Variants in RAB3IP observed in about 807,000 individuals in gnomAD.
RAB3IP encodes the protein rab-3A-interacting protein.
A neutral mutation model predicts 59.1 loss-of-function variants in RAB3IP; 36 were observed. The ratio of observed to expected loss-of-function variants is 0.61; its 90% CI spans 0.47 to 0.80. RAB3IP has a LOEUF of 0.80. RAB3IP is among the 30% of genes least tolerant of loss of function. The pLI is 0.00. For missense variants in RAB3IP, 511 were observed against 536.0 expected (o/e 0.95, Z 0.46); for synonymous variants, 207 against 191.2 (o/e 1.08, Z -0.68).
At chr12:69,806,563 T>C (rs557036314) in intron 8 of RAB3IP, among the ~76,000 whole-genome samples, 1,712 of 141,296 alleles carry the variant, frequency 0.012, 18 homozygotes, top group Non-Finnish European at 0.021. Context: ...TTGCTCTTGC[T>C]TCTCTAGTTT....
At chr12:69,765,650 A>G (rs1160744100) in intron 3 of RAB3IP, among the ~76,000 whole-genome samples, 1 of 152,206 alleles carries the variant, frequency 6.6e-6, no homozygotes, top group Non-Finnish European at 1.5e-5. Context: ...ACCCGCCTAT[A>G]TCAAAGCCTC....
intron 1 of RAB3IP, chr12:69,739,677 G>A (rs1887084078): frequency 1.5e-6 from 1 of 672,360 alleles, no homozygotes; most frequent in Non-Finnish European, 2.6e-6. Context: ...GCTCCGTGCC[G>A]CCAGACTTGT....
chr12:69,813,176 T>C (rs716362), intron 10 of RAB3IP, 143 bp downstream of exon 10: 193,744 of 560,308 alleles, frequency 0.35, 35,151 homozygotes, highest in Non-Finnish European at 0.37. Flanking sequence ...CTTCTATAGT[T>C]CTAATAAAAT....
intron 6 of RAB3IP, chr12:69,796,503 A>T: frequency 2.2e-6 from 1 of 444,556 alleles, no homozygotes; most frequent in East Asian, 3.5e-5. Flanking sequence ...TGTTAAATTC[A>T]AGTCCATCAT....
intron 1 of RAB3IP, among the ~76,000 whole-genome samples, chr12:69,742,836 C>T (rs1167024732): frequency 1.3e-5 from 2 of 152,118 alleles, no homozygotes; most frequent in Admixed American, 6.5e-5. Context: ...AAGCTTACAT[C>T]GTACATAGTC....
intron 8 of RAB3IP, among the ~76,000 whole-genome samples, chr12:69,806,202 A>G (rs1040704490): frequency 7.2e-5 from 11 of 152,306 alleles, no homozygotes; most frequent in African/African-American, 2.2e-4. Context: ...CAGAGATTCA[A>G]CTTCTTCCTG....
intron 3 of RAB3IP, among the ~76,000 whole-genome samples, chr12:69,782,045 G>A (rs778279105): frequency 6.6e-5 from 10 of 152,142 alleles, no homozygotes; most frequent in Non-Finnish European, 1.3e-4. Flanking sequence ...GATATTACCA[G>A]TTTTAATCCC....
chr12:69,765,693 G>A (rs138195878), intron 3 of RAB3IP, among the ~76,000 whole-genome samples: 102 of 152,310 alleles, frequency 6.7e-4, no homozygotes, highest in Non-Finnish European at 1.0e-3. Flanking sequence ...TCAGGCTGCC[G>A]AACGAAGCAT....
At position 69,807,811 on chromosome 12, in the gene RAB3IP, C is replaced by T. The variant is rs369764520; in HGVS notation, c.1131-4967C>T. On this transcript the variant is annotated intron_variant, in intron 8 of 10. Coordinates refer to ENST00000247833, the MANE Select transcript of RAB3IP (RefSeq NM_022456.5). ...CAGATGATGGGCAGCCAGGCAGAGG[C>T]GCTCCTCACCTCCCAGACGGGGCGG... is the stretch of plus-strand genomic sequence containing the variant. 6.7e-4 allele frequency among the ~76,000 whole-genome samples: 99 copies of T among 146,950 alleles called. No homozygotes were observed. The East Asian group carries it at 0.011, about 16-fold the overall frequency.
At chr12:69,740,901 C>A (rs1055881992) in intron 1 of RAB3IP, among the ~76,000 whole-genome samples, 6 of 152,226 alleles carry the variant, frequency 3.9e-5, no homozygotes, top group Non-Finnish European at 7.3e-5. Context: ...CAACAGGAGT[C>A]AGTGAACAAA....
chr12:69,810,060 G>A (rs760521029), intron 8 of RAB3IP, among the ~76,000 whole-genome samples: 4 of 152,120 alleles, frequency 2.6e-5, no homozygotes, highest in African/African-American at 7.2e-5. Flanking sequence ...TGATGGTGAC[G>A]TACAGATGGG....
At chr12:69,779,564 C>T (rs1555223306) in intron 3 of RAB3IP, among the ~76,000 whole-genome samples, 3 of 151,060 alleles carry the variant, frequency 2.0e-5, no homozygotes, top group South Asian at 4.2e-4. Context: ...TTCTTCTCTA[C>T]CTGTATATTT....
At chr12:69,805,105 A>C (rs528923809) in intron 8 of RAB3IP, among the ~76,000 whole-genome samples, 1 of 152,170 alleles carries the variant, frequency 6.6e-6, no homozygotes, top group Non-Finnish European at 1.5e-5. Context: ...CATTTTCACA[A>C]TATTGAGTCT....
chr12:69,814,142 A>G (rs1880845178), intron 10 of RAB3IP, among the ~76,000 whole-genome samples: 1 of 152,184 alleles, frequency 6.6e-6, no homozygotes, highest in Non-Finnish European at 1.5e-5. Flanking sequence ...TGGATAATAT[A>G]ATTTAAGCCA....
At chr12:69,752,795 A>G (rs965606918) in intron 1 of RAB3IP, among the ~76,000 whole-genome samples, 3 of 152,216 alleles carry the variant, frequency 2.0e-5, no homozygotes, top group East Asian at 1.9e-4. Flanking sequence ...ACGTAATACA[A>G]AGGTTTTTTA....
chr12:69,806,627 G>C (rs1340835745), intron 8 of RAB3IP, among the ~76,000 whole-genome samples: 2 of 147,016 alleles, frequency 1.4e-5, no homozygotes, highest in East Asian at 4.0e-4. Context: ...GTTTCTTGGA[G>C]GGGGTATGTG....
At chr12:69,812,732 A>G (rs1407547079) in intron 8 of RAB3IP, 46 bp from the exon 9 acceptor site, 1 of 1,323,890 alleles carries the variant, frequency 7.6e-7, no homozygotes, top group East Asian at 2.3e-5. Flanking sequence ...AGGTAGGGGC[A>G]AATGCTTTTC....
chr12:69,762,780 GAAA>G (rs1175038646), intron 3 of RAB3IP, among the ~76,000 whole-genome samples: 4 of 108,208 alleles, frequency 3.7e-5, no homozygotes, highest in Admixed American at 1.8e-4. Flanking sequence ...AAAAAAAAAA[GAAA>G]AAAGAGAAAA....
At position 69,820,894 on chromosome 12, in the gene RAB3IP, T is replaced by G. The variant is rs1225441307; in HGVS notation, c.*5448T>G. The G allele has an allele frequency of 1.1e-5, 1 of 89,494 alleles. No homozygotes were observed. The highest frequency in any genetic ancestry group is 2.4e-5 in the Non-Finnish European group (1 of 40,980). The allele number at this position is 89,494 out of a possible 1,614,324, so 5.5% of individuals were successfully genotyped here. A position where few individuals can be genotyped will look rare whatever the true frequency, so the allele number is the denominator to read the frequency against. On this transcript the variant is annotated 3_prime_UTR_variant, in exon 11 of 11. Coordinates refer to ENST00000247833, the MANE Select transcript of RAB3IP (RefSeq NM_022456.5). ...AAAAAAACCCAAACTCAATAGAAAATCAAGTTTTCATAGTGGTAGTTGTTA... is the reference window on the plus strand; with the variant it reads ...AAAAAAACCCAAACTCAATAGAAAAGCAAGTTTTCATAGTGGTAGTTGTTA...
Sources: allele counts gnomAD v4.1 joint callset (sites outside exome capture counted in the v4.1 genomes callset), GRCh38; gene constraint gnomAD v4.1.1; transcripts MANE v1.5; gene names NCBI Gene and HGNC (gene_info 2026-07-23, HGNC 2026-07-21).